SLC38A9: variants seen among roughly 807,000 people sequenced by gnomAD.
The protein encoded by SLC38A9 is solute carrier family 38 member 9.
In SLC38A9, 48 loss-of-function variants were observed where a neutral mutation model predicts 62.3. The ratio of observed to expected loss-of-function variants is 0.77; its 90% CI spans 0.61 to 0.98. The LOEUF (loss-of-function observed/expected upper bound fraction) is 0.98. SLC38A9 is among the 50% of genes least tolerant of loss of function. The probability of loss-of-function intolerance (pLI) is 0.00; values close to 1 mark genes in which losing one functional copy is unlikely to be tolerated. For synonymous variants in SLC38A9, 204 were observed against 227.7 expected (o/e 0.90, Z 0.94); for missense variants, 541 against 679.8 (o/e 0.80, Z 2.27).
At chr5:55,685,178 C>T (rs1753601383) in intron 3 of SLC38A9, among the ~76,000 whole-genome samples, 1 of 152,150 alleles carries the variant, frequency 6.6e-6, no homozygotes, top group African/African-American at 2.4e-5. Context: ...CTTAATCTCT[C>T]AATTCACAGA....
At chr5:55,695,267 C>G (rs534203284) in intron 3 of SLC38A9, among the ~76,000 whole-genome samples, 6 of 121,120 alleles carry the variant, frequency 5.0e-5, no homozygotes, top group South Asian at 6.4e-4. Context: ...CATGTTAAGA[C>G]CATTTCTTTT....
At position 55,672,153 on chromosome 5, in the gene SLC38A9, G is replaced by C. The variant is rs960081889; in HGVS notation, c.246+410C>G. On this transcript the variant is annotated intron_variant, in intron 4 of 15. Coordinates refer to ENST00000396865, the MANE Select transcript of SLC38A9 (RefSeq NM_173514.4). ...AGGAGTGAGTCACTGTGCTTGGCCA[G>C]TTTCCCATTCTTGTAGAAAATTTCT... Among the ~76,000 whole-genome samples, 4 of 152,138 alleles carry C rather than the reference G, an allele frequency of 2.6e-5. No individual in the cohort carries two copies. In the South Asian group the frequency reaches 6.2e-4, roughly 24 times the overall value.
At position 55,626,653 on chromosome 5, in the gene SLC38A9, T is replaced by G; in HGVS notation, c.1527A>C (p.Ser509=). 1 of 1,595,826 alleles carries G rather than the reference T, an allele frequency of 6.3e-7. No individual in the cohort carries two copies. Among genetic ancestry groups the G allele is most frequent in the Non-Finnish European group, 8.5e-7 (1 of 1,174,302 alleles). Residue 509 remains serine, a synonymous_variant, in exon 16 of 16, where the codon TCA becomes TCC. Coordinates refer to ENST00000396865, the MANE Select transcript of SLC38A9 (RefSeq NM_173514.4). ...YPNIGGIIRY[S]GAACGLAFVF... ...CAAAGGCCAGTCCACATGCTGCTCC[T>G]GAATATCTGCAAAATAAAAGCTTTT... is the stretch of plus-strand genomic sequence containing the variant.
At chr5:55,667,602 A>C (rs1750684146) in intron 7 of SLC38A9, among the ~76,000 whole-genome samples, 1 of 152,124 alleles carries the variant, frequency 6.6e-6, no homozygotes. Flanking sequence ...CTATATGATA[A>C]TGTTTTACAA....
chr5:55,691,382 G>A (rs2150537377), intron 3 of SLC38A9: 1 of 1,357,034 alleles, frequency 7.4e-7, no homozygotes, highest in Non-Finnish European at 9.5e-7. Context: ...TTAAGTCTGA[G>A]TGAATTCCTG....
chr5:55,698,053 T>TA, intron 2 of SLC38A9, 61 bp from the exon 3 acceptor site: 1 of 622,150 alleles, frequency 1.6e-6, no homozygotes, highest in Non-Finnish European at 2.7e-6. Flanking sequence ...CCATCACTAA[T>TA]AAATATTCAT....
At chr5:55,668,209 G>A (rs972316649) in intron 7 of SLC38A9, among the ~76,000 whole-genome samples, 7 of 151,966 alleles carry the variant, frequency 4.6e-5, no homozygotes, top group African/African-American at 1.7e-4. Context: ...GTTATAGAGA[G>A]AACTCTGTGG....
chr5:55,640,006 G>C (rs1307467607), intron 12 of SLC38A9, among the ~76,000 whole-genome samples: 1 of 83,516 alleles, frequency 1.2e-5, no homozygotes, highest in African/African-American at 4.3e-5. Context: ...TTTTTTTTGA[G>C]ATGGAGTCTC....
intron 2 of SLC38A9, among the ~76,000 whole-genome samples, chr5:55,701,716 T>C (rs1430658028): frequency 6.6e-6 from 1 of 152,234 alleles, no homozygotes; most frequent in Non-Finnish European, 1.5e-5. Flanking sequence ...GGGATGCTGA[T>C]GAAATAAATA....
chr5:55,638,928 AC>A (rs1290075807), intron 12 of SLC38A9, among the ~76,000 whole-genome samples: 3 of 152,168 alleles, frequency 2.0e-5, no homozygotes, highest in Non-Finnish European at 4.4e-5. Flanking sequence ...AATCCACACA[AC>A]CAGGAGGGTT....
intron 12 of SLC38A9, 85 bp downstream of exon 12, chr5:55,645,704 C>T (rs1435285413): frequency 1.5e-5 from 14 of 919,558 alleles, no homozygotes; most frequent in African/African-American, 1.4e-4. Context: ...CCTAATTGTA[C>T]TCTAAATATA....
intron 2 of SLC38A9, among the ~76,000 whole-genome samples, chr5:55,710,352 C>T (rs1016622039): frequency 4.0e-5 from 6 of 151,088 alleles, no homozygotes; most frequent in African/African-American, 7.3e-5. Flanking sequence ...ACAGATGAGA[C>T]GCATACCACC....
chr5:55,645,985 C>A, intron 11 of SLC38A9, 90 bp from the exon 12 acceptor site: 1 of 741,034 alleles, frequency 1.3e-6, no homozygotes, highest in Non-Finnish European at 2.3e-6. Context: ...AATCAGTTGT[C>A]ACTGTTTTAT....
At chr5:55,707,555 G>A (rs1757448891) in intron 2 of SLC38A9, among the ~76,000 whole-genome samples, 1 of 152,272 alleles carries the variant, frequency 6.6e-6, no homozygotes, top group Middle Eastern at 3.4e-3. Context: ...CCAGGAGGCA[G>A]AGGTTGCAGA....
At chr5:55,632,684 C>G (rs934327276) in intron 14 of SLC38A9, among the ~76,000 whole-genome samples, 2 of 152,158 alleles carry the variant, frequency 1.3e-5, no homozygotes, top group Non-Finnish European at 2.9e-5. Context: ...AAAAATATCA[C>G]TCCAATTTCC....
Position 55,671,558 on chromosome 5 carries a change from G to A in SLC38A9, c.246+1005C>T, listed in dbSNP as rs191402364. Among the ~76,000 whole-genome samples the A allele has an allele frequency of 5.6e-5, 8 of 143,164 alleles. 1 individual carries two copies. The East Asian group carries it at 1.6e-3, about 29-fold the overall frequency. The allele number at this position is 143,164 out of a possible 152,430, so 93.9% of individuals were successfully genotyped here. ...CACATGGCCGGGCACAGTGGCTCAC[G>A]CCTGTAATCCCAGCACTTTGGGAGC... On this transcript the variant is annotated intron_variant, in intron 4 of 15. Coordinates refer to ENST00000396865, the MANE Select transcript of SLC38A9 (RefSeq NM_173514.4).
chr5:55,681,251 C>T (rs1044491698), intron 3 of SLC38A9, among the ~76,000 whole-genome samples: 2 of 152,058 alleles, frequency 1.3e-5, no homozygotes, highest in Non-Finnish European at 2.9e-5. Context: ...CTAATAACCG[C>T]ATTTAAAATA....
chr5:55,691,208 TG>T, intron 3 of SLC38A9: 1 of 945,008 alleles, frequency 1.1e-6, no homozygotes, highest in Non-Finnish European at 1.6e-6. Flanking sequence ...CATGTTAAAA[TG>T]CAAATAGCCA....
intron 3 of SLC38A9, among the ~76,000 whole-genome samples, chr5:55,683,892 TG>T (rs2150459148): frequency 1.3e-5 from 2 of 152,346 alleles, no homozygotes; most frequent in East Asian, 3.9e-4. Context: ...ACATTTTTAC[TG>T]ATTATAAACG....
Sources: gnomAD v4.1 joint callset for allele counts (sites outside exome capture counted in the v4.1 genomes callset) on GRCh38, gnomAD v4.1.1 for gene constraint, MANE v1.5 for transcripts, NCBI Gene and HGNC (gene_info 2026-07-23, HGNC 2026-07-21) for gene names.